IQSEC1: variants seen among roughly 807,000 people sequenced by gnomAD.
IQSEC1 encodes the protein IQ motif and Sec7 domain ArfGEF 1, also known as IQ motif and SEC7 domain-containing protein 1.
A neutral mutation model predicts 91.0 loss-of-function variants in IQSEC1; 31 were observed. That is an observed-to-expected ratio of 0.34 (90% CI 0.26 to 0.46). The LOEUF is 0.46. Ranked by LOEUF, IQSEC1 falls within the 20% of genes least tolerant of loss-of-function variation. IQSEC1 has a pLI of 1.00. For missense variants in IQSEC1, 1,388 were observed against 1,575.6 expected, an observed-to-expected ratio of 0.88 and a Z score of 2.02; for synonymous variants, 699 against 662.6, an observed-to-expected ratio of 1.05 and a Z score of -0.84.
chr3:12,899,150 T>C lies in IQSEC1; in HGVS notation c.*1833A>G, dbSNP rs1693951378. 7 of 560,798 alleles carry C rather than the reference T, an allele frequency of 1.2e-5. No individual in the cohort carries two copies. Among genetic ancestry groups the C allele is most frequent in the East Asian group, 2.9e-5 (1 of 34,552 alleles). 34.7% of individuals were successfully genotyped at this position (560,798 alleles called of 1,614,324 possible). A position where few individuals can be genotyped will look rare whatever the true frequency, so the allele number is the denominator to read the frequency against. ...TTTGCTGGTACGGTGATCTCAATGATATGACCGAGGGTGGGAGGGATGTGA... is the reference window on the plus strand; with the variant it reads ...TTTGCTGGTACGGTGATCTCAATGACATGACCGAGGGTGGGAGGGATGTGA... On this transcript the variant is annotated 3_prime_UTR_variant, in exon 14 of 14. Transcript: ENST00000613206.
chr3:13,219,594 G>T (rs1009522379), intron 1 of IQSEC1, among the ~76,000 whole-genome samples: 5 of 152,272 alleles, frequency 3.3e-5, no homozygotes, highest in Admixed American at 6.5e-5. Context: ...GGGGATCAGC[G>T]GAGGTGTGAA....
At chr3:13,028,443 T>G (rs1473991870) in intron 1 of IQSEC1, among the ~76,000 whole-genome samples, 4 of 151,856 alleles carry the variant, frequency 2.6e-5, no homozygotes, top group African/African-American at 9.7e-5. Flanking sequence ...CATGGGAGGG[T>G]AGAAACAGGA....
chr3:13,233,648 T>C (rs1398665151), intron 1 of IQSEC1, among the ~76,000 whole-genome samples: 1 of 152,188 alleles, frequency 6.6e-6, no homozygotes, highest in Non-Finnish European at 1.5e-5. Context: ...CGCCTGACTG[T>C]CCTCACAGCC....
intron 1 of IQSEC1, among the ~76,000 whole-genome samples, chr3:12,996,530 A>G (rs985890128): frequency 6.6e-6 from 1 of 152,258 alleles, no homozygotes; most frequent in Non-Finnish European, 1.5e-5. Flanking sequence ...GTGAAGGAAG[A>G]TGTCGAACAC....
chr3:13,030,064 G>C (rs763617049), intron 1 of IQSEC1, among the ~76,000 whole-genome samples: 4 of 152,124 alleles, frequency 2.6e-5, no homozygotes, highest in Non-Finnish European at 5.9e-5. Flanking sequence ...TCAGCTTCCG[G>C]AAGTGTTAGG....
At chr3:13,055,998 AC>A (rs1704866068) in intron 1 of IQSEC1, among the ~76,000 whole-genome samples, 1 of 149,384 alleles carries the variant, frequency 6.7e-6, no homozygotes, top group Non-Finnish European at 1.5e-5. Flanking sequence ...TTCTTCTGTG[AC>A]CCCCAAAGGC....
chr3:13,039,301 C>T (rs191196207), intron 1 of IQSEC1, among the ~76,000 whole-genome samples: 3 of 152,340 alleles, frequency 2.0e-5, no homozygotes, highest in East Asian at 1.9e-4. Context: ...TTCCCCTGCC[C>T]GAGCCTCTGG....
At chr3:13,095,415 T>G (rs752131732) in intron 2 of IQSEC1, among the ~76,000 whole-genome samples, 24 of 152,086 alleles carry the variant, frequency 1.6e-4, no homozygotes, top group Non-Finnish European at 3.1e-4. Context: ...TGTGCGCTCC[T>G]TTAGGGAAGT....
chr3:13,032,585 ATTT>A (rs138670438), intron 1 of IQSEC1, among the ~76,000 whole-genome samples: 34,145 of 145,290 alleles, frequency 0.24, 4,186 homozygotes, highest in East Asian at 0.35. Flanking sequence ...AGCTTTAAAC[ATTT>A]TTTTTTTTTT....
At chr3:13,026,864 G>C (rs867717778) in intron 1 of IQSEC1, among the ~76,000 whole-genome samples, 4 of 90,864 alleles carry the variant, frequency 4.4e-5, no homozygotes, top group Non-Finnish European at 7.4e-5. Flanking sequence ...TATCTCCCCA[G>C]TTTTTTTTTT....
At chr3:13,024,409 CCATCCAT>C (rs1368487575) in intron 1 of IQSEC1, among the ~76,000 whole-genome samples, 9 of 150,862 alleles carry the variant, frequency 6.0e-5, no homozygotes, top group Admixed American at 2.0e-4. Context: ...ATCCATCCAT[CCATCCAT>C]CCACCCATTT....
At chr3:13,230,365 G>A (rs529072496) in intron 1 of IQSEC1, among the ~76,000 whole-genome samples, 2 of 152,308 alleles carry the variant, frequency 1.3e-5, no homozygotes, top group South Asian at 2.1e-4. Context: ...TGGCATTGTC[G>A]TGGTGGACTC....
At chr3:13,108,776 GT>G (rs1405532397) in intron 2 of IQSEC1, among the ~76,000 whole-genome samples, 1 of 152,224 alleles carries the variant, frequency 6.6e-6, no homozygotes, top group Non-Finnish European at 1.5e-5. Flanking sequence ...ATCAAAAAGG[GT>G]AAGTCGCAAC....
intron 1 of IQSEC1, among the ~76,000 whole-genome samples, chr3:12,993,308 C>A (rs1471310182): frequency 6.6e-6 from 1 of 152,162 alleles, no homozygotes; most frequent in Non-Finnish European, 1.5e-5. Flanking sequence ...CAGGTTGGAC[C>A]CAGCCCTCCA....
intron 1 of IQSEC1, among the ~76,000 whole-genome samples, chr3:13,183,434 T>A (rs1437931129): frequency 2.1e-5 from 3 of 145,536 alleles, no homozygotes; most frequent in Non-Finnish European, 4.4e-5. Context: ...GGCATGGTGG[T>A]GCAGGCCTGT....
intron 1 of IQSEC1, among the ~76,000 whole-genome samples, chr3:13,261,507 T>C (rs1021229603): frequency 3.3e-5 from 5 of 152,116 alleles, no homozygotes; most frequent in African/African-American, 1.2e-4. Context: ...TCTTAGAGCC[T>C]GTTCCCGGAG....
chr3:13,064,614 C>T (rs1463312943), intron 1 of IQSEC1, among the ~76,000 whole-genome samples: 2 of 152,230 alleles, frequency 1.3e-5, no homozygotes, highest in Non-Finnish European at 2.9e-5. Flanking sequence ...TGAATGGTGG[C>T]AGCTCTTGGC....
At chr3:12,949,318 G>T (rs1009760847) in intron 1 of IQSEC1, among the ~76,000 whole-genome samples, 1 of 152,242 alleles carries the variant, frequency 6.6e-6, no homozygotes, top group Non-Finnish European at 1.5e-5. Flanking sequence ...TGGCCAGAGG[G>T]TGGCCACATC....
intron 1 of IQSEC1, among the ~76,000 whole-genome samples, chr3:12,969,858 C>T (rs1344120579): frequency 6.6e-6 from 1 of 152,248 alleles, no homozygotes; most frequent in African/African-American, 2.4e-5. Context: ...AAACCAAATG[C>T]ATCTTGATTC....
Sources: gnomAD v4.1 joint callset for allele counts (sites outside exome capture counted in the v4.1 genomes callset) on GRCh38, gnomAD v4.1.1 for gene constraint, MANE v1.5 for transcripts, NCBI Gene and HGNC (gene_info 2026-07-23, HGNC 2026-07-21) for gene names.